BICC1: variants seen among roughly 807,000 people sequenced by gnomAD.
BICC1 encodes the protein BicC family RNA binding protein 1.
In BICC1, 43 loss-of-function variants were observed where a neutral mutation model predicts 111.0. The observed-to-expected ratio is 0.39, with a 90% CI of 0.30 to 0.50. The LOEUF (loss-of-function observed/expected upper bound fraction) is 0.50, where lower values mean the gene tolerates loss of function less well. BICC1 is among the 20% of genes least tolerant of loss of function. BICC1 has a pLI of 0.88. For missense variants in BICC1, 1,091 were observed against 1,203.2 expected, an observed-to-expected ratio of 0.91 and a Z score of 1.38; for synonymous variants, 467 against 434.4, an observed-to-expected ratio of 1.07 and a Z score of -0.93.
intron 2 of BICC1, among the ~76,000 whole-genome samples, chr10:58,626,225 A>G (rs1254254871): frequency 3.9e-5 from 6 of 152,198 alleles, no homozygotes; most frequent in Non-Finnish European, 8.8e-5. Context: ...AAAGATGATC[A>G]TCAATGTGCG....
rs1354846456 is a variant in BICC1, at chr10:58,769,282, C to T, written c.308-15719C>T. Among the ~76,000 whole-genome samples the T allele has an allele frequency of 7.6e-5, 5 of 65,428 alleles. No individual in the cohort carries two copies. The Admixed American group carries it at 1.1e-3, about 15-fold the overall frequency. The allele number at this position is 65,428 out of a possible 152,430, so 42.9% of individuals were successfully genotyped here. A position where few individuals can be genotyped will look rare whatever the true frequency, so the allele number is the denominator to read the frequency against. On this transcript the variant is annotated intron_variant, in intron 3 of 20. Transcript: ENST00000373886. The stretch of plus-strand genomic sequence containing the variant: ...TAACAGGGTAGATTTTAAATGTTCT[C>T]AACACACACACACACACACACACAC...
intron 2 of BICC1, among the ~76,000 whole-genome samples, chr10:58,693,071 T>A (rs1839959897): frequency 6.6e-6 from 1 of 152,136 alleles, no homozygotes; most frequent in Non-Finnish European, 1.5e-5. Context: ...CTATGTGTTC[T>A]CATTGTTCAA....
chr10:58,719,891 C>G (rs575005379), intron 3 of BICC1, among the ~76,000 whole-genome samples: 2 of 152,192 alleles, frequency 1.3e-5, no homozygotes, highest in African/African-American at 4.8e-5. Context: ...ATGTTCCCAA[C>G]TGAACATAAA....
chr10:58,798,357 T>C (rs1189045397), intron 10 of BICC1, 42 bp from the exon 11 acceptor site: 16 of 1,460,418 alleles, frequency 1.1e-5, no homozygotes, highest in African/African-American at 1.4e-5. Flanking sequence ...TTTTAAAATC[T>C]TAAATTTATG....
intron 2 of BICC1, among the ~76,000 whole-genome samples, chr10:58,695,983 C>T (rs951149730): frequency 6.6e-6 from 1 of 152,100 alleles, no homozygotes; most frequent in Non-Finnish European, 1.5e-5. Context: ...TTAAATGATT[C>T]AGTGTAAATC....
At chr10:58,716,715 A>T (rs915819678) in intron 3 of BICC1, among the ~76,000 whole-genome samples, 1 of 147,446 alleles carries the variant, frequency 6.8e-6, no homozygotes, top group South Asian at 2.1e-4. Flanking sequence ...ACTCTGTAAG[A>T]TAAGTGTAGT....
At chr10:58,567,442 A>ATT (rs1843803979) in intron 1 of BICC1, among the ~76,000 whole-genome samples, 2 of 151,952 alleles carry the variant, frequency 1.3e-5, no homozygotes, top group South Asian at 4.2e-4. Context: ...GGGGATATAT[A>ATT]TATGTCTTTT....
chr10:58,803,159 C>A lies in BICC1; in HGVS notation c.2098C>A (p.Arg700Ser). Reference sequence around the variant, plus strand: ...TGACAAGAAGGCTCCAGGGAGTGAGCGCGCTGCAGAGAGGGCAGCAGCTGC... The same window carrying A: ...TGACAAGAAGGCTCCAGGGAGTGAGAGCGCTGCAGAGAGGGCAGCAGCTGC... ...LADKKAPGSE[R>S]AAERAAAAQQ... The change falls in exon 15 of 21, where the codon CGC (arginine) becomes AGC (serine). Residue 700 changes from arginine to serine, a missense_variant. By Grantham distance (110) the Arg-to-Ser change is moderately radical (BLOSUM62 -1). Around this residue, in one of 3 missense-constraint regions of BICC1, gnomAD observed 843 missense variants for 900.8 expected, o/e 0.94. Transcript: ENST00000373886. 6.2e-7 allele frequency: 1 copy of A among 1,611,592 alleles called. No individual in the cohort carries two copies. The highest frequency in any genetic ancestry group is 1.1e-5 in the South Asian group (1 of 90,272).
Position 58,829,053 on chromosome 10 carries a change from GAGA to G in BICC1, c.*166_*168del, listed in dbSNP as rs1489257994. On this transcript the variant is annotated 3_prime_UTR_variant, in exon 21 of 21. Coordinates refer to ENST00000373886, the MANE Select transcript of BICC1 (RefSeq NM_001080512.3). ...CTTTATGGCAAAAAGGAAGAAGAGA[GAGA>G]AGATGTTCTTATGATGTCATACAGA... 1.3e-5 allele frequency: 10 copies of G among 754,712 alleles called. No individual in the cohort carries two copies. The highest frequency in any genetic ancestry group is 9.6e-5 in the Admixed American group (3 of 31,382). The allele number at this position is 754,712 out of a possible 1,614,324, so 46.8% of individuals were successfully genotyped here.
At chr10:58,795,035 A>G (rs1433795079) in intron 9 of BICC1, among the ~76,000 whole-genome samples, 1 of 152,216 alleles carries the variant, frequency 6.6e-6, no homozygotes, top group Non-Finnish European at 1.5e-5. Context: ...GTTTAGAAGG[A>G]TGCACACAAA....
At chr10:58,593,209 G>A (rs1045278582) in intron 1 of BICC1, among the ~76,000 whole-genome samples, 4 of 152,120 alleles carry the variant, frequency 2.6e-5, no homozygotes, top group African/African-American at 9.7e-5. Context: ...TCTCTGGGCA[G>A]GGCATCTCTG....
At chr10:58,638,400 G>A (rs11819252) in intron 2 of BICC1, among the ~76,000 whole-genome samples, 3,256 of 152,214 alleles carry the variant, frequency 0.021, 36 homozygotes, top group Non-Finnish European at 0.03. Flanking sequence ...TCAAAATGTG[G>A]TTCTGAATTG....
rs534576428 is a variant in BICC1, at chr10:58,636,599, CCTT to C, written c.237+15701_237+15703del. On this transcript the variant is annotated intron_variant, in intron 2 of 20. Coordinates refer to ENST00000373886, the MANE Select transcript of BICC1 (RefSeq NM_001080512.3). The stretch of plus-strand genomic sequence containing the variant: ...ATCATTGTCTCCTCCTCCTCCTCCT[CCTT>C]CTCCCTTTTTTCCTTCCCCAATTCA... Among the ~76,000 whole-genome samples the C allele has an allele frequency of 9.6e-3, 1,456 of 151,222 alleles. 16 individuals are homozygous for C. The highest frequency in any genetic ancestry group is 0.033 in the African/African-American group (1,341 of 40,806).
At chr10:58,666,286 G>A (rs1208064353) in intron 2 of BICC1, among the ~76,000 whole-genome samples, 1 of 152,224 alleles carries the variant, frequency 6.6e-6, no homozygotes, top group Non-Finnish European at 1.5e-5. Flanking sequence ...CAGACTGTGA[G>A]TGGTTGAAGT....
chr10:58,825,925 T>C (rs960686572), intron 20 of BICC1, among the ~76,000 whole-genome samples: 1 of 152,004 alleles, frequency 6.6e-6, no homozygotes, highest in African/African-American at 2.4e-5. Flanking sequence ...GTACCACAGA[T>C]TGAGGTGTGT....
At chr10:58,611,995 T>C (rs1361802509) in intron 1 of BICC1, among the ~76,000 whole-genome samples, 2 of 152,232 alleles carry the variant, frequency 1.3e-5, no homozygotes, top group African/African-American at 2.4e-5. Flanking sequence ...TATTTAATTT[T>C]TTACAGGCAG....
At chr10:58,656,651 C>T (rs990982548) in intron 2 of BICC1, among the ~76,000 whole-genome samples, 5 of 152,080 alleles carry the variant, frequency 3.3e-5, no homozygotes, top group Non-Finnish European at 5.9e-5. Flanking sequence ...ATTCAGCAAC[C>T]CTTCATGTAT....
At chr10:58,578,729 T>TA (rs1844181802) in intron 1 of BICC1, among the ~76,000 whole-genome samples, 1 of 152,148 alleles carries the variant, frequency 6.6e-6, no homozygotes, top group African/African-American at 2.4e-5. Context: ...AGGATCTCGT[T>TA]ACCCTATCCC....
chr10:58,682,456 G>A (rs1406483173), intron 2 of BICC1, among the ~76,000 whole-genome samples: 2 of 152,148 alleles, frequency 1.3e-5, no homozygotes, highest in African/African-American at 2.4e-5. Context: ...GTCTTCCACA[G>A]TGGTTGAACT....
Sources: gnomAD v4.1 joint callset for allele counts (sites outside exome capture counted in the v4.1 genomes callset) on GRCh38, gnomAD v4.1.1 for gene constraint, gnomAD v4.1.1 regional missense constraint, MANE v1.5 for transcripts, NCBI Gene and HGNC (gene_info 2026-07-23, HGNC 2026-07-21) for gene names.